The following LPIN1 variants were observed in gnomAD, a reference collection of about 807,000 sequenced individuals.
LPIN1 encodes the protein phosphatidate phosphatase LPIN1.
In LPIN1, 71 loss-of-function variants were observed where a neutral mutation model predicts 107.5. The ratio of observed to expected loss-of-function variants is 0.66; its 90% CI spans 0.55 to 0.80. The LOEUF is 0.80. LPIN1 is among the 30% of genes least tolerant of loss of function. LPIN1 has a pLI of 0.00. For missense variants in LPIN1, 1,043 were observed against 1,160.6 expected (o/e 0.90, Z 1.47); for synonymous variants, 445 against 452.6 (o/e 0.98, Z 0.21).
At chr2:11,685,752 G>T (rs570613503) in intron 1 of LPIN1, among the ~76,000 whole-genome samples, 2 of 152,318 alleles carry the variant, frequency 1.3e-5, no homozygotes, top group Admixed American at 6.5e-5. Flanking sequence ...CGAGGAATGT[G>T]TGTAAACTCA....
At chr2:11,744,759 A>G (rs1321081359), upstream of LPIN1, among the ~76,000 whole-genome samples, 1 of 152,072 alleles carries the variant, frequency 6.6e-6, no homozygotes, top group Non-Finnish European at 1.5e-5. Context: ...GTGGGAGGGG[A>G]GGGTGCAGGA....
chr2:11,752,491 G>A (rs1415415543), intron 1 of LPIN1, among the ~76,000 whole-genome samples: 1 of 137,208 alleles, frequency 7.3e-6, no homozygotes, highest in Admixed American at 7.1e-5. Flanking sequence ...GAGTGCAGTG[G>A]CGGGATCTCG....
At chr2:11,759,884 G>A (rs1441952987) in intron 1 of LPIN1, among the ~76,000 whole-genome samples, 2 of 140,414 alleles carry the variant, frequency 1.4e-5, no homozygotes, top group East Asian at 2.1e-4. Context: ...CCTCCCGGAC[G>A]GGGTGGCTGC....
In LPIN1 at chr2:11,782,373, AGTTTGTGAAT is replaced by A; in HGVS notation, c.1132_1141del (p.Phe378LysfsTer7). 1 of 1,614,228 alleles carries A rather than the reference AGTTTGTGAAT, an allele frequency of 6.2e-7. No homozygotes were observed. The highest frequency in any genetic ancestry group is 1.3e-5 in the African/African-American group (1 of 75,054). ...CAGAACAAGCCTCAGACAGAAATGC[AGTTTGTGAAT>A]GAAGAAGACCTGGAGACCTTAGGAG... On this transcript the variant is annotated frameshift_variant, in exon 8 of 21. Transcript: ENST00000674199. LOFTEE classifies it high-confidence loss of function.
intron 10 of LPIN1, among the ~76,000 whole-genome samples, chr2:11,785,713 C>T (rs1335836892): frequency 5.3e-5 from 8 of 152,058 alleles, no homozygotes; most frequent in Non-Finnish European, 8.8e-5. Context: ...GGGAAGGGGC[C>T]GAGGCTGTGT....
rs1305378188 is a variant in LPIN1 at position 11,707,022 on chromosome 2, T to A, written c.82-6734T>A. Among the ~76,000 whole-genome samples the A allele has an allele frequency of 6.6e-6, 1 of 152,226 alleles. No homozygotes were observed. The highest frequency in any genetic ancestry group is 1.5e-5 in the Non-Finnish European group (1 of 68,040). ...TGGAAATAGCTTTGGTGAAAGAGCA[T>A]GGGTACTGACTAAACGTTACCTTTG... On this transcript the variant is annotated intron_variant, in intron 1 of 21. Coordinates refer to the LPIN1 transcript ENST00000449576. This position sits in a 1 kb window ranked among gnomAD's most constrained non-coding sequence, Gnocchi z 4.2.
At chr2:11,759,211 T>G (rs543174128) in intron 1 of LPIN1, among the ~76,000 whole-genome samples, 1 of 149,432 alleles carries the variant, frequency 6.7e-6, no homozygotes, top group East Asian at 2.0e-4. Flanking sequence ...TCTTTCTCAT[T>G]CTTGGGTGTT....
At chr2:11,693,945 C>T (rs368230627) in intron 1 of LPIN1, among the ~76,000 whole-genome samples, 4 of 146,332 alleles carry the variant, frequency 2.7e-5, no homozygotes, top group African/African-American at 1.0e-4. Context: ...AGTGATTCTC[C>T]TGCCTCAGCC....
chr2:11,748,895 A>G (rs112616932), intron 1 of LPIN1, among the ~76,000 whole-genome samples: 5,410 of 152,202 alleles, frequency 0.036, 325 homozygotes, highest in African/African-American at 0.12. Context: ...AGGTCCCGCC[A>G]GGACACCGAG....
intron 3 of LPIN1, among the ~76,000 whole-genome samples, chr2:11,768,470 G>A (rs1001601409): frequency 2.0e-5 from 3 of 151,756 alleles, no homozygotes; most frequent in Non-Finnish European, 4.4e-5. Context: ...TCCTTATTCT[G>A]AACTTTTGAA....
chr2:11,730,775 C>T (rs552597799), intron 1 of LPIN1, among the ~76,000 whole-genome samples: 8 of 152,282 alleles, frequency 5.3e-5, no homozygotes, highest in South Asian at 4.1e-4. Flanking sequence ...TCACTTCCTG[C>T]GGAAGTACCT....
chr2:11,747,714 T>C (rs1377146012), intron 1 of LPIN1, among the ~76,000 whole-genome samples: 1 of 152,218 alleles, frequency 6.6e-6, no homozygotes, highest in Non-Finnish European at 1.5e-5. Flanking sequence ...ATTTGAGAAA[T>C]AAGCACATCC....
At chr2:11,818,270 A>G (rs572645308) in intron 18 of LPIN1, 1 of 152,354 alleles carries the variant, frequency 6.6e-6, no homozygotes, top group Non-Finnish European at 1.5e-5. Flanking sequence ...GGAAGAATTA[A>G]TATCTCAAAA....
At chr2:11,748,692 C>A (rs1211325666) in intron 1 of LPIN1, among the ~76,000 whole-genome samples, 1 of 152,188 alleles carries the variant, frequency 6.6e-6, no homozygotes, top group African/African-American at 2.4e-5. Context: ...CACCTCTCTT[C>A]CGGTTGGCTT....
rs999333623 is a variant in LPIN1, at chr2:11,762,812, C to T, written c.-9-2721C>T. On this transcript the variant is annotated intron_variant, in intron 1 of 20. Transcript: ENST00000674199. ...GATAGGAAAAGCTCCCAGAACCAAC[C>T]TTTCTACACAGCAGGTTTGTGAGCC... Among the ~76,000 whole-genome samples the T allele has an allele frequency of 1.3e-5, 2 of 152,136 alleles. 1 individual carries two copies. Among genetic ancestry groups the T allele is most frequent in the Non-Finnish European group, 2.9e-5 (2 of 68,038 alleles).
intron 1 of LPIN1, among the ~76,000 whole-genome samples, chr2:11,753,102 A>T (rs978561657): frequency 6.6e-6 from 1 of 151,824 alleles, no homozygotes; most frequent in African/African-American, 2.4e-5. Flanking sequence ...AAGGAGGGGG[A>T]TGAGCAGGGT....
chr2:11,742,020 G>C (rs1208782159), upstream of LPIN1: 2 of 152,170 alleles, frequency 1.3e-5, no homozygotes, highest in Non-Finnish European at 2.9e-5. Flanking sequence ...CAAAGCTGCT[G>C]AGATGGGGAT....
chr2:11,791,588 T>C, intron 12 of LPIN1: 1 of 1,109,922 alleles, frequency 9.0e-7, no homozygotes, highest in Admixed American at 3.9e-5. Flanking sequence ...GTTAGCCACT[T>C]TAATTTGAAA....
intron 1 of LPIN1, among the ~76,000 whole-genome samples, chr2:11,726,358 A>G (rs1215149849): frequency 6.6e-6 from 1 of 151,732 alleles, no homozygotes; most frequent in Non-Finnish European, 1.5e-5. Flanking sequence ...ACCTCAACAA[A>G]CCCATAGGGC....
Sources: gnomAD v4.1 joint callset for allele counts (sites outside exome capture counted in the v4.1 genomes callset) on GRCh38, gnomAD v4.1.1 for gene constraint, Gnocchi (gnomAD v3.1) non-coding constraint, MANE v1.5 for transcripts, NCBI Gene and HGNC (gene_info 2026-07-23, HGNC 2026-07-21) for gene names.